CNNM3: variants seen among roughly 807,000 people sequenced by gnomAD.
CNNM3 encodes cyclin and CBS domain divalent metal cation transport mediator 3.
A neutral mutation model predicts 57.1 loss-of-function variants in CNNM3; 47 were observed. The ratio of observed to expected loss-of-function variants is 0.82; its 90% CI spans 0.65 to 1.05. CNNM3 has a LOEUF of 1.05. CNNM3 is among the 50% of genes least tolerant of loss of function. The probability of loss-of-function intolerance (pLI) is 0.00; values close to 1 mark genes in which losing one functional copy is unlikely to be tolerated. For missense variants in CNNM3, 957 were observed against 973.7 expected (o/e 0.98, Z 0.23); for synonymous variants, 507 against 478.2 (o/e 1.06, Z -0.79).
In CNNM3 at chr2:96,833,451, TCCACACCTCC is replaced by T. The variant is rs1294696406; in HGVS notation, c.*841_*850del. 5.7e-6 allele frequency: 1 copy of T among 176,838 alleles called. No individual in the cohort carries two copies. The highest frequency in any genetic ancestry group is 1.2e-5 in the Non-Finnish European group (1 of 83,018). 11.0% of individuals were successfully genotyped at this position (176,838 alleles called of 1,614,324 possible). A position where few individuals can be genotyped will look rare whatever the true frequency, so the allele number is the denominator to read the frequency against. Reference sequence around the variant, plus strand: ...GAGAGTAGCTGCCTGTTGCACCTGCTCCACACCTCCCCACAGCCTCCCTGCAGGTGCTGTG... The same window carrying T: ...GAGAGTAGCTGCCTGTTGCACCTGCTCCACAGCCTCCCTGCAGGTGCTGTG... On this transcript the variant is annotated 3_prime_UTR_variant, in exon 8 of 8. Coordinates refer to ENST00000305510, the MANE Select transcript of CNNM3 (RefSeq NM_017623.5).
intron 1 of CNNM3, among the ~76,000 whole-genome samples, chr2:96,822,059 G>A (rs2079416433): frequency 6.6e-6 from 1 of 150,464 alleles, no homozygotes; most frequent in African/African-American, 2.4e-5. Flanking sequence ...CTGGAGTGCA[G>A]TGGCACAATC....
At chr2:96,824,068 AT>A (rs2079453261) in intron 1 of CNNM3, among the ~76,000 whole-genome samples, 1 of 152,160 alleles carries the variant, frequency 6.6e-6, no homozygotes, top group Admixed American at 6.5e-5. Context: ...GACTTTTTTA[AT>A]GCAGCTATTC....
chr2:96,817,593 TC>T, intron 1 of CNNM3, 91 bp downstream of exon 1: 1 of 1,316,358 alleles, frequency 7.6e-7, no homozygotes, highest in Non-Finnish European at 1.1e-6. Flanking sequence ...CTGGAAAGGG[TC>T]CCACCCCTGT....
At chr2:96,817,865 G>A (rs1183535019) in intron 1 of CNNM3, among the ~76,000 whole-genome samples, 1 of 151,904 alleles carries the variant, frequency 6.6e-6, no homozygotes, top group Non-Finnish European at 1.5e-5. Context: ...CCAAATTTTT[G>A]GATAGAAACT....
Position 96,816,536 on chromosome 2 carries a change from C to A in CNNM3, c.259C>A (p.Arg87=). The change falls in exon 1 of 8, where the codon CGG becomes AGG. Residue 87 remains arginine (R), a synonymous_variant. Transcript: ENST00000305510. ...SWVAPEGAGC[R]EEAASPAGEW... is the part of the protein sequence containing the mutation. ...GGTGGCCCCGGAGGGGGCGGGCTGC[C>A]GGGAGGAGGCGGCCTCCCCCGCGGG... 7.4e-7 allele frequency: 1 copy of A among 1,343,778 alleles called. No homozygotes were observed. The highest frequency in any genetic ancestry group is 9.5e-7 in the Non-Finnish European group (1 of 1,049,022). 83.2% of individuals were successfully genotyped at this position (1,343,778 alleles called of 1,614,324 possible). A position where few individuals can be genotyped will look rare whatever the true frequency, so the allele number is the denominator to read the frequency against.
At chr2:96,819,448 A>C (rs1439046363) in intron 1 of CNNM3, among the ~76,000 whole-genome samples, 1 of 152,212 alleles carries the variant, frequency 6.6e-6, no homozygotes, top group African/African-American at 2.4e-5. Flanking sequence ...CACTTTGGCC[A>C]GTGCCTGGCG....
chr2:96,817,649 G>C, intron 1 of CNNM3, 147 bp downstream of exon 1: 1 of 747,586 alleles, frequency 1.3e-6, no homozygotes, highest in Non-Finnish European at 2.2e-6. Context: ...GACGGTATTG[G>C]CCTTGCAGCT....
chr2:96,816,880 G>T lies in CNNM3; in HGVS notation c.603G>T (p.Leu201=). 1 of 1,104,178 alleles carries T rather than the reference G, an allele frequency of 9.1e-7. No individual in the cohort carries two copies. Among genetic ancestry groups the T allele is most frequent in the Non-Finnish European group, 1.1e-6 (1 of 909,792 alleles). 68.4% of individuals were successfully genotyped at this position (1,104,178 alleles called of 1,614,324 possible). A position where few individuals can be genotyped will look rare whatever the true frequency, so the allele number is the denominator to read the frequency against. The change falls in exon 1 of 8, where the codon CTG becomes CTT. Residue 201 remains leucine (L), a synonymous_variant. Transcript: ENST00000305510. ...AGCALGALLL[L]ASLAQAALAV... is the part of the protein sequence containing the mutation. ...GCGCCTTGGGCGCGCTGCTGCTGCT[G>T]GCCAGCCTGGCGCAGGCGGCGCTGG...
intron 7 of CNNM3, among the ~76,000 whole-genome samples, chr2:96,830,414 G>A (rs1159966859): frequency 6.6e-6 from 1 of 152,224 alleles, no homozygotes; most frequent in African/African-American, 2.4e-5. Context: ...AAGGCCCAGG[G>A]ACTCTGACCT....
In CNNM3 at chr2:96,832,920, CGGGGCAG is replaced by C. The variant is rs771554169; in HGVS notation, c.*307_*313del. On this transcript the variant is annotated 3_prime_UTR_variant, in exon 8 of 8. Coordinates refer to ENST00000305510, the MANE Select transcript of CNNM3 (RefSeq NM_017623.5). Reference sequence around the variant, plus strand: ...AGGGCCCAGCCTTCCCCTTCTCCCCCGGGGCAGGGACAGTGCGGCATATTCAGATTCA... The same window carrying C: ...AGGGCCCAGCCTTCCCCTTCTCCCCCGGACAGTGCGGCATATTCAGATTCA... The C allele has an allele frequency of 1.5e-5, 21 of 1,432,920 alleles. No individual in the cohort carries two copies. Among genetic ancestry groups the C allele is most frequent in the Non-Finnish European group, 1.9e-5 (21 of 1,081,408 alleles). 88.8% of individuals were successfully genotyped at this position (1,432,920 alleles called of 1,614,324 possible).
At chr2:96,824,893 G>C (rs925988325) in intron 1 of CNNM3, 165 bp from the exon 2 acceptor site, 2 of 710,952 alleles carry the variant, frequency 2.8e-6, no homozygotes, top group Admixed American at 2.8e-5. Flanking sequence ...TCATAATCAC[G>C]CTGGGAGTCT....
At chr2:96,836,088 C>CCCTTTTT (rs1553484522), downstream of CNNM3, among the ~76,000 whole-genome samples, 1 of 143,470 alleles carries the variant, frequency 7.0e-6, no homozygotes, top group African/African-American at 2.7e-5. Flanking sequence ...CCCTCCCCCC[C>CCCTTTTT]TTTTTTTTTT....
At chr2:96,837,170 C>G (rs1327461452), downstream of CNNM3, 1 of 152,126 alleles carries the variant, frequency 6.6e-6, no homozygotes, top group African/African-American at 2.4e-5. Context: ...TCACTCTATT[C>G]TTTTTCAAAA....
At chr2:96,825,690 C>G (rs1028860088) in intron 2 of CNNM3, among the ~76,000 whole-genome samples, 2 of 141,486 alleles carry the variant, frequency 1.4e-5, no homozygotes, top group African/African-American at 3.2e-5. Context: ...ATCACGAGAT[C>G]GGGAGTTCGA....
chr2:96,820,540 G>A (rs1244875365), intron 1 of CNNM3, among the ~76,000 whole-genome samples: 1 of 152,178 alleles, frequency 6.6e-6, no homozygotes, highest in African/African-American at 2.4e-5. Context: ...AGCTGGCCAG[G>A]AGGAGGCAAG....
In CNNM3 at chr2:96,833,960, C is replaced by T. The variant is rs1164881311; in HGVS notation, c.*1344C>T. 6.6e-6 allele frequency: 1 copy of T among 152,332 alleles called. No homozygotes were observed. The highest frequency in any genetic ancestry group is 1.9e-4 in the East Asian group (1 of 5,204). 9.4% of individuals were successfully genotyped at this position (152,332 alleles called of 1,614,324 possible). ...TGAGATGGAGTCTCACTCTGTCACC[C>T]AGGCTGGAGTGCAGTGGTGAGATCT... On this transcript the variant is annotated 3_prime_UTR_variant, in exon 8 of 8. Transcript: ENST00000305510.
chr2:96,830,913 A>G (rs75388821), intron 7 of CNNM3, among the ~76,000 whole-genome samples: 65 of 152,276 alleles, frequency 4.3e-4, no homozygotes, highest in African/African-American at 1.5e-3. Context: ...GTCACATTAC[A>G]CTGGGGTCTC....
chr2:96,821,186 T>C (rs2079401012), intron 1 of CNNM3, among the ~76,000 whole-genome samples: 1 of 152,142 alleles, frequency 6.6e-6, no homozygotes, highest in African/African-American at 2.4e-5. Context: ...TCTGGTGACA[T>C]CCCGGAGCTT....
rs940957124 is a variant in CNNM3 at position 96,833,538 on chromosome 2, C to G, written c.*922C>G. The G allele has an allele frequency of 6.6e-6, 1 of 152,278 alleles. No homozygotes were observed. The highest frequency in any genetic ancestry group is 2.4e-5 in the African/African-American group (1 of 41,286). The allele number at this position is 152,278 out of a possible 1,614,324, so 9.4% of individuals were successfully genotyped here. On this transcript the variant is annotated 3_prime_UTR_variant, in exon 8 of 8. Coordinates refer to ENST00000305510, the MANE Select transcript of CNNM3 (RefSeq NM_017623.5). ...GGGAGGGTTCATGAACCAGGTGGATCCTCTTTAAAAAAAAAAAAGTTTTTG... is the reference window on the plus strand; with the variant it reads ...GGGAGGGTTCATGAACCAGGTGGATGCTCTTTAAAAAAAAAAAAGTTTTTG...
Sources: gnomAD v4.1 joint callset for allele counts (sites outside exome capture counted in the v4.1 genomes callset) on GRCh38, gnomAD v4.1.1 for gene constraint, MANE v1.5 for transcripts, NCBI Gene and HGNC (gene_info 2026-07-23, HGNC 2026-07-21) for gene names.